Variants in CCDC136 observed in about 807,000 individuals in gnomAD.
The protein encoded by CCDC136 is coiled-coil domain-containing protein 136.
A neutral mutation model predicts 141.2 loss-of-function variants in CCDC136; 100 were observed. The ratio of observed to expected loss-of-function variants is 0.71; its 90% CI spans 0.60 to 0.84. The LOEUF is 0.84. Ranked by LOEUF, CCDC136 falls within the 40% of genes least tolerant of loss-of-function variation. The pLI is 0.00. For missense variants in CCDC136, 1,206 were observed against 1,379.4 expected (o/e 0.87, Z 1.99); for synonymous variants, 474 against 531.9 (o/e 0.89, Z 1.50).
In CCDC136 at chr7:128,792,050, TC is replaced by T. The variant is rs1236179515; in HGVS notation, c.-356del. 9 of 1,271,800 alleles carry T rather than the reference TC, an allele frequency of 7.1e-6. No homozygotes were observed. Among genetic ancestry groups the T allele is most frequent in the Non-Finnish European group, 7.9e-6 (8 of 1,007,112 alleles). The allele number at this position is 1,271,800 out of a possible 1,614,324, so 78.8% of individuals were successfully genotyped here. On this transcript the variant is annotated 5_prime_UTR_variant, in exon 1 of 18. Transcript: ENST00000297788. ...TTCAGTCTTGGCCCTCTCCTCCCTGTCCCCCCGGACTAAATACGCACACCCC... is the reference window on the plus strand; with the variant it reads ...TTCAGTCTTGGCCCTCTCCTCCCTGTCCCCCGGACTAAATACGCACACCCC...
chr7:128,794,551 G>A lies in CCDC136; in HGVS notation c.220G>A (p.Glu74Lys). Residue 74 changes from glutamate to lysine, a missense_variant, in exon 2 of 18, where the codon GAG becomes AAG. Coordinates refer to ENST00000297788, the MANE Select transcript of CCDC136 (RefSeq NM_022742.5). This position sits in a 1 kb window ranked among gnomAD's most constrained non-coding sequence, Gnocchi z 4.3. ...QVLQLVAELE[E>K]TRELAGQHED... ...GCTGCAGCTGGTGGCAGAACTGGAGGAGACCCGGGAACTGGCAGGGCAGCA... is the reference window on the plus strand; with the variant it reads ...GCTGCAGCTGGTGGCAGAACTGGAGAAGACCCGGGAACTGGCAGGGCAGCA... 1.9e-6 allele frequency: 3 copies of A among 1,556,296 alleles called. No homozygotes were observed.
chr7:128,791,467 A>T (rs955557061), upstream of CCDC136: 6 of 1,316,840 alleles, frequency 4.6e-6, no homozygotes, highest in African/African-American at 3.1e-5. This position sits in a 1 kb window ranked among gnomAD's most constrained non-coding sequence, Gnocchi z 7.1. Flanking sequence ...CTGCTCAGGG[A>T]GGCGGAAGGC....
intron 16 of CCDC136, 60 bp downstream of exon 16, chr7:128,815,991 G>A (rs773303863): frequency 3.3e-6 from 5 of 1,504,736 alleles, no homozygotes; most frequent in Admixed American, 2.1e-5. Flanking sequence ...AGATAACTCC[G>A]AGTTAATGGG....
chr7:128,799,207 GGTAGCCCATGCCT>G (rs1193975280), intron 3 of CCDC136, among the ~76,000 whole-genome samples: 3 of 145,512 alleles, frequency 2.1e-5, no homozygotes, highest in Non-Finnish European at 4.5e-5. Context: ...AGCAGGGCAT[GGTAGCCCATGCCT>G]GTAGTCTCAG....
intron 14 of CCDC136, 107 bp downstream of exon 14, chr7:128,813,036 C>A (rs1316788523): frequency 1.3e-6 from 1 of 749,438 alleles, no homozygotes; most frequent in Non-Finnish European, 2.3e-6. Flanking sequence ...GGAGAATATG[C>A]ACCTCAGAGG....
In CCDC136 at chr7:128,805,580, T is replaced by G. The variant is rs1585086364; in HGVS notation, c.948+56T>G. On this transcript the variant is annotated intron_variant, in intron 6 of 17. Coordinates refer to ENST00000297788, the MANE Select transcript of CCDC136 (RefSeq NM_022742.5). This position sits in a 1 kb window ranked among gnomAD's most constrained non-coding sequence, Gnocchi z 4.6. Reference sequence around the variant, plus strand: ...CATTTCTTGTCTTTCTTTCACCTTCTCCCAGCCTGTGGTAGAAACATCTCC... The same window carrying G: ...CATTTCTTGTCTTTCTTTCACCTTCGCCCAGCCTGTGGTAGAAACATCTCC... 1.3e-6 allele frequency: 2 copies of G among 1,560,666 alleles called. No homozygotes were observed. The highest frequency in any genetic ancestry group is 2.7e-5 in the African/African-American group (2 of 73,876).
chr7:128,802,975 G>A (rs2128906491), intron 4 of CCDC136, among the ~76,000 whole-genome samples: 1 of 152,348 alleles, frequency 6.6e-6, no homozygotes, highest in African/African-American at 2.4e-5. Context: ...TTTCATTAAA[G>A]ATTAGTTTCC....
At position 128,817,155 on chromosome 7, in the gene CCDC136, C is replaced by T. The variant is rs532413986; in HGVS notation, c.3364-603C>T. ...AGATCCCTTTGCCCCGTGGGTCCTG[C>T]GTCTTTTGCAGGCAGCTCTAGGGCA... On this transcript the variant is annotated intron_variant, in intron 16 of 17. Transcript: ENST00000297788. The surrounding 1 kb of genome is among the most constrained non-coding windows in gnomAD (Gnocchi z 4.6). Among the ~76,000 whole-genome samples the T allele has an allele frequency of 2.0e-5, 3 of 152,304 alleles. No homozygotes were observed. The highest frequency in any genetic ancestry group is 3.9e-4 in the East Asian group (2 of 5,194).
In CCDC136 at chr7:128,794,339, G is replaced by A; in HGVS notation, c.17-9G>A. 1 of 1,552,172 alleles carries A rather than the reference G, an allele frequency of 6.4e-7. No individual in the cohort carries two copies. On this transcript the variant is annotated splice_polypyrimidine_tract_variant and intron_variant, in intron 1 of 17. Coordinates refer to ENST00000297788, the MANE Select transcript of CCDC136 (RefSeq NM_022742.5). The surrounding 1 kb of genome is among the most constrained non-coding windows in gnomAD (Gnocchi z 4.3). ...GCTGACTCCTTGGTGGGATGGCTGT[G>A]TCTCCTAGGGGAGGTGTTACTCCCA...
chr7:128,814,699 A>G lies in CCDC136; in HGVS notation c.2825A>G (p.Glu942Gly). The change falls in exon 15 of 18, where the codon GAG becomes GGG. Residue 942 changes from glutamate (E) to glycine (G), a missense_variant. Glu to Gly is a moderately conservative substitution (Grantham distance 98, BLOSUM62 -2). Transcript: ENST00000297788. The part of the protein sequence containing the change: ...LQLQYQASMD[E>G]QGRLLVVQEQ... Reference sequence around the variant, plus strand: ...CTGCAATACCAGGCTAGCATGGATGAGCAGGGGCGGCTTCTGGTAGTGCAG... The same window carrying G: ...CTGCAATACCAGGCTAGCATGGATGGGCAGGGGCGGCTTCTGGTAGTGCAG... The G allele has an allele frequency of 6.2e-7, 1 of 1,613,314 alleles. No individual in the cohort carries two copies. The highest frequency in any genetic ancestry group is 8.5e-7 in the Non-Finnish European group (1 of 1,179,570).
upstream of CCDC136, chr7:128,791,474 AGGC>A (rs1370139777): frequency 2.3e-6 from 3 of 1,320,116 alleles, no homozygotes; most frequent in South Asian, 2.2e-5. This position sits in a 1 kb window ranked among gnomAD's most constrained non-coding sequence, Gnocchi z 7.1. Context: ...GGGAGGCGGA[AGGC>A]GGCGGCGGGA....
rs1218339624 is a variant in CCDC136 at position 128,796,742 on chromosome 7, C to CT, written c.346+1991dup. On this transcript the variant is annotated intron_variant, in intron 3 of 17. Transcript: ENST00000297788. Reference sequence around the variant, plus strand: ...TTCAGAATATATATATATATATATTCTTTTTTTTTTTTTTTTTGAGACGGA... The same window carrying CT: ...TTCAGAATATATATATATATATATTCTTTTTTTTTTTTTTTTTTGAGACGGA... 3.5e-3 allele frequency among the ~76,000 whole-genome samples: 382 copies of CT among 108,896 alleles called. 10 individuals carry two copies. Among genetic ancestry groups the CT allele is most frequent in the Middle Eastern group, 8.5e-3 (2 of 234 alleles). The allele number at this position is 108,896 out of a possible 152,430, so 71.4% of individuals were successfully genotyped here.
At chr7:128,814,425 A>C (rs970549380) in intron 14 of CCDC136, among the ~76,000 whole-genome samples, 2 of 152,124 alleles carry the variant, frequency 1.3e-5, no homozygotes, top group African/African-American at 4.8e-5. Flanking sequence ...GGACATCATC[A>C]GGTGCCTCAA....
intron 17 of CCDC136, among the ~76,000 whole-genome samples, chr7:128,820,876 G>T (rs755429196): frequency 3.9e-5 from 6 of 152,102 alleles, no homozygotes; most frequent in Non-Finnish European, 5.9e-5. Context: ...CCTCTTTTTA[G>T]ATCAATTATC....
In CCDC136 at chr7:128,807,407, G is replaced by A; in HGVS notation, c.1467G>A (p.Gln489=). 6.3e-7 allele frequency: 1 copy of A among 1,583,648 alleles called. No homozygotes were observed. The highest frequency in any genetic ancestry group is 1.4e-5 in the African/African-American group (1 of 73,930). The change falls in exon 10 of 18, where the codon CAG becomes CAA. Residue 489 remains glutamine, a synonymous_variant. Transcript: ENST00000297788. ...TTCAGGAGATGAAGCAGCTGTACCA[G>A]GCCAGCAAGGACGAGCTGGAGCGGC... ...AQLQEMKQLY[Q]ASKDELERQK... is the part of the protein sequence containing the mutation.
At chr7:128,791,684 C>A, upstream of CCDC136, 1 of 567,656 alleles carries the variant, frequency 1.8e-6, no homozygotes, top group Non-Finnish European at 2.6e-6. The surrounding 1 kb of genome is among the most constrained non-coding windows in gnomAD (Gnocchi z 7.1). Context: ...TCCCTCCATC[C>A]TGGCCTCCAC....
intron 10 of CCDC136, chr7:128,808,650 T>G (rs1405795707): frequency 1.0e-6 from 1 of 985,380 alleles, no homozygotes. Flanking sequence ...GGAAAGGCCT[T>G]CAGGAGACGG....
chr7:128,812,581 A>G, intron 13 of CCDC136, 127 bp from the exon 14 acceptor site: 1 of 762,354 alleles, frequency 1.3e-6, no homozygotes, highest in Non-Finnish European at 2.2e-6. Flanking sequence ...GGGTAAATAT[A>G]GTAATCCCCC....
intron 11 of CCDC136, 120 bp from the exon 12 acceptor site, chr7:128,810,019 G>A: frequency 1.5e-6 from 1 of 663,766 alleles, no homozygotes; most frequent in Non-Finnish European, 2.6e-6. Flanking sequence ...TGGGCTCTGT[G>A]AAGTCAACCC....
Sources: allele counts gnomAD v4.1 joint callset (sites outside exome capture counted in the v4.1 genomes callset), GRCh38; gene constraint gnomAD v4.1.1; non-coding constraint Gnocchi (gnomAD v3.1); transcripts MANE v1.5; gene names NCBI Gene and HGNC (gene_info 2026-07-23, HGNC 2026-07-21).